The following MINAR1 variants were observed in gnomAD, a reference collection of about 807,000 sequenced individuals.
The protein encoded by MINAR1 is membrane integral NOTCH2 associated receptor 1.
In MINAR1, 40 loss-of-function variants were observed where a neutral mutation model predicts 65.1. That is an observed-to-expected ratio of 0.61 (90% CI 0.48 to 0.80). The LOEUF (loss-of-function observed/expected upper bound fraction) is 0.80. Ranked by LOEUF, MINAR1 falls within the 30% of genes least tolerant of loss-of-function variation. MINAR1 has a pLI of 0.00. For missense variants in MINAR1, 1,128 were observed against 1,148.0 expected (o/e 0.98, Z 0.25); for synonymous variants, 482 against 449.1 (o/e 1.07, Z -0.93).
At chr15:79,464,366 A>T (rs964353099) in intron 3 of MINAR1, among the ~76,000 whole-genome samples, 1 of 152,236 alleles carries the variant, frequency 6.6e-6, no homozygotes, top group Admixed American at 6.5e-5. Context: ...TGCTGAAATC[A>T]ATCAACTTTG....
chr15:79,467,898 C>A (rs1054980900), intron 3 of MINAR1, among the ~76,000 whole-genome samples: 2 of 152,116 alleles, frequency 1.3e-5, no homozygotes, highest in African/African-American at 4.8e-5. Flanking sequence ...GAGTCTTGCT[C>A]GTCTCAGCCC....
At chr15:79,447,184 G>A (rs977868153) in intron 1 of MINAR1, among the ~76,000 whole-genome samples, 2 of 152,042 alleles carry the variant, frequency 1.3e-5, no homozygotes, top group African/African-American at 2.4e-5. Context: ...CACTGCCCCC[G>A]GCCAGTTTCA....
Position 79,443,051 on chromosome 15 carries a change from G to A in MINAR1, c.-51+10511G>A, listed in dbSNP as rs368672429. On this transcript the variant is annotated intron_variant, in intron 1 of 3. Transcript: ENST00000305428. ...ACTGAACACTTGACACCAACACTGA[G>A]CAGATGAGATGGACAGTGATTTATT... is the stretch of plus-strand genomic sequence containing the variant. Among the ~76,000 whole-genome samples, 162 of 152,274 alleles carry A rather than the reference G, an allele frequency of 1.1e-3. 3 individuals carry two copies. The South Asian group carries it at 0.033, about 31-fold the overall frequency.
chr15:79,432,282 C>T (rs1894463012), upstream of MINAR1, among the ~76,000 whole-genome samples: 1 of 152,092 alleles, frequency 6.6e-6, no homozygotes, highest in Non-Finnish European at 1.5e-5. Flanking sequence ...CTGGCCCTGG[C>T]CGGGACTGCA....
At chr15:79,461,497 A>G (rs1448991022) in intron 2 of MINAR1, among the ~76,000 whole-genome samples, 1 of 152,144 alleles carries the variant, frequency 6.6e-6, no homozygotes, top group Non-Finnish European at 1.5e-5. Context: ...ATGCAATAGG[A>G]GCTCTCTGAG....
At chr15:79,424,271 A>G in the MINAR1 span, 1 of 152,370 alleles carries the variant, frequency 6.6e-6, no homozygotes, top group East Asian at 1.9e-4. Flanking sequence ...TCTGATCACA[A>G]AATAGCACCT....
At chr15:79,432,118 G>A (rs1379081981), upstream of MINAR1, among the ~76,000 whole-genome samples, 1 of 152,142 alleles carries the variant, frequency 6.6e-6, no homozygotes, top group Non-Finnish European at 1.5e-5. Flanking sequence ...ATGACGTGGC[G>A]ACGCCGACCG....
the MINAR1 span, chr15:79,418,083 A>G: frequency 2.6e-5 from 4 of 152,210 alleles, no homozygotes; most frequent in African/African-American, 9.7e-5. Context: ...GGACTGGGAA[A>G]AGGTAGAATT....
At chr15:79,412,758 T>C in the MINAR1 span, 1 of 152,640 alleles carries the variant, frequency 6.6e-6, no homozygotes, top group African/African-American at 2.4e-5. Flanking sequence ...CACATGTGAA[T>C]GAGGACAGAT....
At chr15:79,416,346 T>A in the MINAR1 span, 1 of 152,216 alleles carries the variant, frequency 6.6e-6, no homozygotes, top group African/African-American at 2.4e-5. Flanking sequence ...CTGGCACATC[T>A]GGAAAGGAGG....
the MINAR1 span, chr15:79,423,504 C>T: frequency 1.6e-4 from 25 of 152,228 alleles, no homozygotes; most frequent in African/African-American, 5.8e-4. Flanking sequence ...TAACAATAAC[C>T]GACACTCCTA....
chr15:79,440,030 G>A (rs780382555), intron 1 of MINAR1, among the ~76,000 whole-genome samples: 2 of 152,094 alleles, frequency 1.3e-5, no homozygotes, highest in African/African-American at 2.4e-5. Flanking sequence ...AGAAATGCAT[G>A]AGCCAATTGG....
chr15:79,435,227 G>T (rs1483685727), intron 1 of MINAR1, among the ~76,000 whole-genome samples: 1 of 150,308 alleles, frequency 6.7e-6, no homozygotes, highest in Admixed American at 6.7e-5. Flanking sequence ...GGTGAGCCGA[G>T]ATCATGCCAT....
chr15:79,446,088 C>T (rs1895010890), intron 1 of MINAR1, among the ~76,000 whole-genome samples: 1 of 151,902 alleles, frequency 6.6e-6, no homozygotes, highest in South Asian at 2.1e-4. Flanking sequence ...TTTATTTGTT[C>T]CCTTGTTTTT....
intron 2 of MINAR1, among the ~76,000 whole-genome samples, chr15:79,460,422 C>T (rs951399185): frequency 3.9e-5 from 6 of 152,196 alleles, no homozygotes; most frequent in African/African-American, 4.8e-5. Context: ...ATGGAGTCAG[C>T]ATTCTAGCAA....
chr15:79,469,314 G>A lies in MINAR1; in HGVS notation c.*930G>A, dbSNP rs544981788. 21 of 152,702 alleles carry A rather than the reference G, an allele frequency of 1.4e-4. No individual in the cohort carries two copies. The South Asian group carries it at 4.1e-3, about 30-fold the overall frequency. The allele number at this position is 152,702 out of a possible 1,614,324, so 9.5% of individuals were successfully genotyped here. The stretch of plus-strand genomic sequence containing the variant: ...TGTGCCTTGAAGAGTAGAGACAATG[G>A]CTAAACGTTGACATTCTATCTGTAA... On this transcript the variant is annotated 3_prime_UTR_variant, in exon 4 of 4. Coordinates refer to ENST00000305428, the MANE Select transcript of MINAR1 (RefSeq NM_015206.3).
chr15:79,457,097 A>C lies in MINAR1; in HGVS notation c.950A>C (p.Tyr317Ser), dbSNP rs770316761. Residue 317 changes from tyrosine to serine, a missense_variant, in exon 2 of 4, where the codon TAT becomes TCT. Physicochemically the swap from Tyr to Ser is moderately radical, Grantham distance 144 (BLOSUM62 -2). Coordinates refer to ENST00000305428, the MANE Select transcript of MINAR1 (RefSeq NM_015206.3). ...AACAGCCAGTACCTGAATCCAGTGTATTCCCCGGTTCCTGACAAAAGGCGA... is the reference window on the plus strand; with the variant it reads ...AACAGCCAGTACCTGAATCCAGTGTCTTCCCCGGTTCCTGACAAAAGGCGA... Reference protein sequence around the residue: ...PYNSQYLNPVYSPVPDKRRAK... With the variant: ...PYNSQYLNPVSSPVPDKRRAK... 2.8e-5 allele frequency: 45 copies of C among 1,614,042 alleles called. No individual in the cohort carries two copies. Among genetic ancestry groups the C allele is most frequent in the African/African-American group, 4.0e-5 (3 of 74,922 alleles).
Position 79,458,252 on chromosome 15 carries a change from G to T in MINAR1, c.2105G>T (p.Ser702Ile). 1 of 1,614,084 alleles carries T rather than the reference G, an allele frequency of 6.2e-7. No individual in the cohort carries two copies. The highest frequency in any genetic ancestry group is 8.5e-7 in the Non-Finnish European group (1 of 1,180,018). Reference sequence around the variant, plus strand: ...CTGCGGGTCAAGGCCTTAAAAAAAAGCCTCTTCACCAGGCCATCCTCTAGG... The same window carrying T: ...CTGCGGGTCAAGGCCTTAAAAAAAATCCTCTTCACCAGGCCATCCTCTAGG... ...ESLRVKALKK[S>I]LFTRPSSRSL... The change falls in exon 2 of 4, where the codon AGC becomes ATC. Residue 702 changes from serine to isoleucine, a missense_variant. Ser to Ile is a moderately radical substitution (Grantham distance 142, BLOSUM62 -2). Transcript: ENST00000305428.
chr15:79,468,334 T>C lies in MINAR1; in HGVS notation c.2701T>C (p.Cys901Arg). 6.2e-6 allele frequency: 10 copies of C among 1,614,132 alleles called. No individual in the cohort carries two copies. The highest frequency in any genetic ancestry group is 8.5e-6 in the Non-Finnish European group (10 of 1,180,022). ...KIAALIAAAA[C>R]TVILVIVVPI... ...AGCTGCTCTGATCGCTGCTGCGGCA[T>C]GCACCGTCATCCTCGTTATTGTCGT... Residue 901 changes from cysteine to arginine, a missense_variant, in exon 4 of 4, where the codon TGC (cysteine) becomes CGC (arginine). Transcript: ENST00000305428.
Sources: gnomAD v4.1 joint callset for allele counts (sites outside exome capture counted in the v4.1 genomes callset) on GRCh38, gnomAD v4.1.1 for gene constraint, MANE v1.5 for transcripts, NCBI Gene and HGNC (gene_info 2026-07-23, HGNC 2026-07-21) for gene names.